CRLS1: variants seen among roughly 807,000 people sequenced by gnomAD.
CRLS1 encodes cardiolipin synthase 1.
In CRLS1, 24 loss-of-function variants were observed where a neutral mutation model predicts 37.0. That is an observed-to-expected ratio of 0.65 (90% confidence interval 0.47 to 0.91). CRLS1 has a LOEUF of 0.91. Among genes scored for constraint, CRLS1 ranks in the 40% least tolerant of loss-of-function variants. CRLS1 has a pLI of 0.00. For synonymous variants in CRLS1, 135 were observed against 159.7 expected, an observed-to-expected ratio of 0.85 and a Z score of 1.17; for missense variants, 373 against 395.8, an observed-to-expected ratio of 0.94 and a Z score of 0.49.
intron 2 of CRLS1, among the ~76,000 whole-genome samples, chr20:6,012,194 A>G (rs943149496): frequency 1.2e-4 from 18 of 152,164 alleles, no homozygotes; most frequent in South Asian, 4.1e-4. Flanking sequence ...GTGCCTTTCA[A>G]TTGGCCACTG....
chr20:6,011,571 G>GTTTTTTTTTTTTTTTTTTT (rs1568616510), intron 2 of CRLS1, among the ~76,000 whole-genome samples: 1 of 42,624 alleles, frequency 2.3e-5, no homozygotes, highest in African/African-American at 6.6e-5. Context: ...TTTTGTCCCT[G>GTTTTTTTTTTTTTTTTTTT]CTTTTTTTTT....
intron 3 of CRLS1, among the ~76,000 whole-genome samples, chr20:6,016,975 T>A (rs1978806935): frequency 6.6e-6 from 1 of 151,868 alleles, no homozygotes; most frequent in Admixed American, 6.6e-5. Flanking sequence ...CACTTTTTTT[T>A]ATCTTTTATC....
intron 2 of CRLS1, among the ~76,000 whole-genome samples, chr20:6,014,025 G>T (rs539525646): frequency 6.6e-6 from 1 of 152,332 alleles, no homozygotes; most frequent in East Asian, 1.9e-4. Context: ...CAAGGTCCCA[G>T]CTCCCCAGGC....
rs61011560 is a variant in CRLS1, at chr20:6,016,454, G to GGT, written c.574+984_574+985dup. Among the ~76,000 whole-genome samples, 409 of 114,598 alleles carry GGT rather than the reference G, an allele frequency of 3.6e-3. 2 individuals are homozygous for GGT. Among genetic ancestry groups the GGT allele is most frequent in the African/African-American group, 9.6e-3 (324 of 33,862 alleles). 75.2% of individuals were successfully genotyped at this position (114,598 alleles called of 152,430 possible). A position where few individuals can be genotyped will look rare whatever the true frequency, so the allele number is the denominator to read the frequency against. On this transcript the variant is annotated intron_variant, in intron 3 of 6. Transcript: ENST00000378863. Reference sequence around the variant, plus strand: ...GGTGTGTATGTGATTGGGGAATGGGGGTGTGTGTGTGTGTGTGTGTGAGTT... The same window carrying GGT: ...GGTGTGTATGTGATTGGGGAATGGGGGTGTGTGTGTGTGTGTGTGTGTGAGTT...
rs1332892637 is a variant in CRLS1, at chr20:6,039,785, G to A, written c.*2627G>A. ...GAAATGTGAACAGAGAGAGAATGCC[G>A]TGAGATGATGGAGGGATAGATTGGA... On this transcript the variant is annotated 3_prime_UTR_variant, in exon 7 of 7. Coordinates refer to ENST00000378863, the MANE Select transcript of CRLS1 (RefSeq NM_019095.6). 1.3e-5 allele frequency: 2 copies of A among 151,202 alleles called. No homozygotes were observed. The highest frequency in any genetic ancestry group is 2.4e-5 in the African/African-American group (1 of 41,098). The allele number at this position is 151,202 out of a possible 1,614,324, so 9.4% of individuals were successfully genotyped here.
At chr20:6,007,119 G>GT in intron 1 of CRLS1, 1 of 685,984 alleles carries the variant, frequency 1.5e-6, no homozygotes, top group Non-Finnish European at 2.1e-6. Context: ...CCACTTACCT[G>GT]TTGATATGCT....
intron 6 of CRLS1, among the ~76,000 whole-genome samples, chr20:6,036,197 G>A (rs1221456171): frequency 1.3e-5 from 2 of 152,156 alleles, no homozygotes; most frequent in Non-Finnish European, 2.9e-5. Flanking sequence ...CAATCCTCCT[G>A]CCTCGGCCTG....
chr20:6,013,562 C>T (rs1198990419), intron 2 of CRLS1, among the ~76,000 whole-genome samples: 4 of 151,896 alleles, frequency 2.6e-5, no homozygotes, highest in Admixed American at 6.6e-5. Context: ...GGGCTGACTA[C>T]GGTTTTCTTT....
chr20:6,021,738 T>G (rs1437239765), intron 3 of CRLS1, among the ~76,000 whole-genome samples: 3 of 152,226 alleles, frequency 2.0e-5, no homozygotes, highest in Non-Finnish European at 4.4e-5. Context: ...CATTCAGTCT[T>G]TTATTTTACT....
chr20:6,033,324 C>T (rs1179371034), intron 5 of CRLS1, among the ~76,000 whole-genome samples: 1 of 151,636 alleles, frequency 6.6e-6, no homozygotes, highest in South Asian at 2.1e-4. Context: ...TTAGTAGAGA[C>T]GGGGTTTCAC....
intron 3 of CRLS1, among the ~76,000 whole-genome samples, chr20:6,022,516 G>GT (rs35038206): frequency 6.6e-6 from 1 of 151,424 alleles, no homozygotes; most frequent in Admixed American, 6.6e-5. Flanking sequence ...TTTTTATATG[G>GT]TTTTTAGAGA....
At position 6,006,472 on chromosome 20, in the gene CRLS1, G is replaced by T; in HGVS notation, c.226G>T (p.Ala76Ser). Residue 76 changes from alanine (A) to serine (S), a missense_variant, in exon 1 of 7, where the codon GCT becomes TCT. Physicochemically the swap from Ala to Ser is moderately conservative, Grantham distance 99 (BLOSUM62 1). Coordinates refer to ENST00000378863, the MANE Select transcript of CRLS1 (RefSeq NM_019095.6). ...RNHCSGAGKAAPRPAAGAGAA... is the reference protein window; with the variant it reads ...RNHCSGAGKASPRPAAGAGAA... ...CCACTGTTCGGGCGCGGGGAAGGCGGCTCCCAGGCCAGCGGCCGGAGCGGG... is the reference window on the plus strand; with the variant it reads ...CCACTGTTCGGGCGCGGGGAAGGCGTCTCCCAGGCCAGCGGCCGGAGCGGG... The T allele has an allele frequency of 2.1e-6, 3 of 1,398,200 alleles. No homozygotes were observed. Among genetic ancestry groups the T allele is most frequent in the Non-Finnish European group, 2.8e-6 (3 of 1,078,760 alleles). The allele number at this position is 1,398,200 out of a possible 1,614,324, so 86.6% of individuals were successfully genotyped here.
intron 3 of CRLS1, among the ~76,000 whole-genome samples, chr20:6,025,377 CT>C (rs1476537520): frequency 6.6e-6 from 1 of 152,138 alleles, no homozygotes; most frequent in Non-Finnish European, 1.5e-5. Context: ...ACATGATGTG[CT>C]GAATATTTTA....
chr20:6,031,974 A>G (rs1463210111), intron 4 of CRLS1, 38 bp from the exon 5 acceptor site: 9 of 1,476,330 alleles, frequency 6.1e-6, no homozygotes, highest in Non-Finnish European at 8.5e-6. Context: ...ATTTTAAACA[A>G]TAAGTTAATT....
chr20:6,026,892 C>A (rs545940549), intron 3 of CRLS1, among the ~76,000 whole-genome samples: 2 of 152,218 alleles, frequency 1.3e-5, no homozygotes, highest in East Asian at 3.9e-4. Context: ...CAGAGAGTAA[C>A]ATGTGGAGTT....
intron 3 of CRLS1, among the ~76,000 whole-genome samples, chr20:6,019,396 C>T (rs902451935): frequency 3.3e-5 from 5 of 152,026 alleles, no homozygotes; most frequent in South Asian, 2.1e-4. Flanking sequence ...ACTTACTACT[C>T]CTTGTGGAGC....
chr20:6,015,360 G>A lies in CRLS1; in HGVS notation c.445-1G>A. On this transcript the variant is annotated splice_acceptor_variant, in intron 2 of 6. Transcript: ENST00000378863. LOFTEE classifies it high-confidence loss of function. ...ATATAAAAAAAAACTTCTATTTTCA[G>A]TTGGATGGATTTATTGCTCGAAACT... is the stretch of plus-strand genomic sequence containing the variant. 6.4e-7 allele frequency: 1 copy of A among 1,569,246 alleles called. No homozygotes were observed. The highest frequency in any genetic ancestry group is 8.6e-7 in the Non-Finnish European group (1 of 1,156,390).
rs757131180 is a variant in CRLS1, at chr20:6,015,511, C to CT, written c.574+25dup. Reference sequence around the variant, plus strand: ...TCCAGGTAAGAACGCGTCATGCGTACTTTTGAATAGCACAGGGAAGAATGA... The same window carrying CT: ...TCCAGGTAAGAACGCGTCATGCGTACTTTTTGAATAGCACAGGGAAGAATGA... On this transcript the variant is annotated intron_variant, in intron 3 of 6. Transcript: ENST00000378863. The CT allele has an allele frequency of 1.9e-6, 3 of 1,609,792 alleles. No homozygotes were observed. In the Admixed American group the frequency reaches 5.0e-5, roughly 27 times the overall value.
At chr20:6,007,133 C>A in intron 1 of CRLS1, 2 of 862,320 alleles carry the variant, frequency 2.3e-6, no homozygotes, top group Non-Finnish European at 3.2e-6. Context: ...ATATGCTACC[C>A]AGACAGAAGA....
Sources: gnomAD v4.1 joint callset for allele counts (sites outside exome capture counted in the v4.1 genomes callset) on GRCh38, gnomAD v4.1.1 for gene constraint, MANE v1.5 for transcripts, NCBI Gene and HGNC (gene_info 2026-07-23, HGNC 2026-07-21) for gene names.